BPHL: variants seen among roughly 807,000 people sequenced by gnomAD.
BPHL encodes serine hydrolase BPHL.
BPHL carries 27 observed loss-of-function variants against 31.2 expected under a neutral mutation model. That is an observed-to-expected ratio of 0.87 (90% confidence interval 0.64 to 1.19). The LOEUF is 1.19. Among genes scored for constraint, BPHL ranks in the 50% most tolerant of loss-of-function variants. BPHL has a pLI of 0.00. For synonymous variants in BPHL, 150 were observed against 146.8 expected (o/e 1.02, Z -0.16); for missense variants, 356 against 375.7 (o/e 0.95, Z 0.43).
At chr6:3,119,680 C>T (rs947687266) in intron 1 of BPHL, among the ~76,000 whole-genome samples, 1 of 152,198 alleles carries the variant, frequency 6.6e-6, no homozygotes, top group Non-Finnish European at 1.5e-5. Context: ...ACGTATACAA[C>T]GAACGTACAC....
rs1762549763 is a variant in BPHL, at chr6:3,152,471, T to C, written c.789-17T>C. The C allele has an allele frequency of 6.2e-7, 1 of 1,611,802 alleles. No homozygotes were observed. Among genetic ancestry groups the C allele is most frequent in the Admixed American group, 1.7e-5 (1 of 59,748 alleles). ...TGGTGGGCCATTGACCCAAAGTATT[T>C]TTAATTCCTTTTTTAGGCTGCATTT... is the stretch of plus-strand genomic sequence containing the variant. On this transcript the variant is annotated splice_polypyrimidine_tract_variant and intron_variant, in intron 6 of 6. Coordinates refer to ENST00000380379, the MANE Select transcript of BPHL (RefSeq NM_004332.4).
At chr6:3,122,745 A>G (rs530477439) in intron 1 of BPHL, among the ~76,000 whole-genome samples, 2 of 152,306 alleles carry the variant, frequency 1.3e-5, no homozygotes, top group South Asian at 4.1e-4. Flanking sequence ...CAGTTGACAC[A>G]GACATATTTT....
intron 4 of BPHL, among the ~76,000 whole-genome samples, chr6:3,131,266 T>A (rs1283224494): frequency 6.6e-6 from 1 of 152,086 alleles, no homozygotes; most frequent in Non-Finnish European, 1.5e-5. Context: ...TAGCCCCCTC[T>A]ACTGAAACTC....
rs541155293 is a variant in BPHL, at chr6:3,143,613, C to CTT, written c.788+3106_788+3107dup. On this transcript the variant is annotated intron_variant, in intron 6 of 6. Coordinates refer to ENST00000380379, the MANE Select transcript of BPHL (RefSeq NM_004332.4). ...GACGACAGCAGTGATGGGGAGCAGG[C>CTT]TTTGCCTTTCTGCCTCCCGTGTCCA... is the stretch of plus-strand genomic sequence containing the variant. Among the ~76,000 whole-genome samples, 415 of 152,328 alleles carry CTT rather than the reference C, an allele frequency of 2.7e-3. 2 individuals are homozygous for CTT. Among genetic ancestry groups the CTT allele is most frequent in the South Asian group, 5.6e-3 (27 of 4,826 alleles).
intron 5 of BPHL, chr6:3,139,459 G>A (rs1390039894): frequency 6.6e-6 from 1 of 152,216 alleles, no homozygotes; most frequent in Non-Finnish European, 1.5e-5. Context: ...GAGACCTGGA[G>A]AAGTATTTCC....
chr6:3,119,392 G>A (rs1430263117), intron 1 of BPHL: 1 of 1,603,078 alleles, frequency 6.2e-7, no homozygotes, highest in Non-Finnish European at 8.5e-7. Flanking sequence ...AAAGAATCAC[G>A]TTGGGAACTG....
intron 4 of BPHL, among the ~76,000 whole-genome samples, chr6:3,133,899 G>A (rs982304768): frequency 4.6e-5 from 7 of 152,136 alleles, no homozygotes; most frequent in South Asian, 4.1e-4. Context: ...ACAAGTGACA[G>A]ATTATTTTCC....
At chr6:3,127,455 G>C in intron 3 of BPHL, 47 bp downstream of exon 3, 1 of 1,423,602 alleles carries the variant, frequency 7.0e-7, no homozygotes, top group South Asian at 1.5e-5. Flanking sequence ...GGCTGGGCCT[G>C]TCTTCATTTA....
At position 3,152,747 on chromosome 6, in the gene BPHL, C is replaced by A; in HGVS notation, c.*172C>A. 2 of 576,418 alleles carry A rather than the reference C, an allele frequency of 3.5e-6. No individual in the cohort carries two copies. The highest frequency in any genetic ancestry group is 2.4e-5 in the South Asian group (1 of 41,928). 35.7% of individuals were successfully genotyped at this position (576,418 alleles called of 1,614,324 possible). The stretch of plus-strand genomic sequence containing the variant: ...ATTGAAAACAGCCTCTAGCTTCAGG[C>A]TGGGCACGGTGGCTCACAGCTATAA... On this transcript the variant is annotated 3_prime_UTR_variant, in exon 7 of 7. Transcript: ENST00000380379.
chr6:3,128,986 G>A, intron 3 of BPHL, 59 bp from the exon 4 acceptor site: 1 of 1,609,082 alleles, frequency 6.2e-7, no homozygotes, highest in African/African-American at 1.3e-5. Flanking sequence ...TAGTGATTCA[G>A]TTTCTTTTAA....
rs897197795 is a variant in BPHL, at chr6:3,149,728, G to A, written c.789-2760G>A. ...GCTCACTGCAACCTCCGCCTACTGG[G>A]TTCAAGTGATTCTGCCTCAGCCTCC... On this transcript the variant is annotated intron_variant, in intron 6 of 6. Transcript: ENST00000380379. This position sits in a 1 kb window ranked among gnomAD's most constrained non-coding sequence, Gnocchi z 4.6. 2.0e-5 allele frequency among the ~76,000 whole-genome samples: 3 copies of A among 152,180 alleles called. No homozygotes were observed. The highest frequency in any genetic ancestry group is 6.5e-5 in the Admixed American group (1 of 15,276).
chr6:3,145,610 T>TC lies in BPHL; in HGVS notation c.788+5101_788+5102insC, dbSNP rs1762320105. Among the ~76,000 whole-genome samples, 2 of 56,894 alleles carry TC rather than the reference T, an allele frequency of 3.5e-5. 1 individual carries two copies. Among genetic ancestry groups the TC allele is most frequent in the Non-Finnish European group, 8.0e-5 (2 of 25,150 alleles). The allele number at this position is 56,894 out of a possible 152,430, so 37.3% of individuals were successfully genotyped here. ...TGCTGGTTTGGGTCGGAGTGCTGGT[T>TC]TGGGTCGAGTGCTGGTTCGGGTTGG... is the stretch of plus-strand genomic sequence containing the variant. On this transcript the variant is annotated intron_variant, in intron 6 of 6. Coordinates refer to ENST00000380379, the MANE Select transcript of BPHL (RefSeq NM_004332.4).
intron 1 of BPHL, among the ~76,000 whole-genome samples, chr6:3,119,747 A>G (rs1328759261): frequency 6.6e-6 from 1 of 152,232 alleles, no homozygotes; most frequent in Non-Finnish European, 1.5e-5. Context: ...AGTACTAGAT[A>G]GGTACACAGC....
chr6:3,146,420 G>A (rs1242204262), intron 6 of BPHL, among the ~76,000 whole-genome samples: 1 of 139,344 alleles, frequency 7.2e-6, no homozygotes, highest in African/African-American at 2.8e-5. Flanking sequence ...TGGGTTGAGT[G>A]CTGGTTTGGG....
chr6:3,146,540 C>CTGGTACGGGGTG (rs1762374888), intron 6 of BPHL, among the ~76,000 whole-genome samples: 3 of 1,088 alleles, frequency 2.8e-3, no homozygotes, highest in African/African-American at 3.6e-3. Context: ...TGGTTTGGGT[C>CTGGTACGGGGTG]GAGTGCTGGT....
chr6:3,119,298 C>T lies in BPHL; in HGVS notation c.107+451C>T. ...CTCTTATGTCAGAAATCAGCCTGAGCCTGAGTACCGCTAAGGCTTTAATCA... is the reference window on the plus strand; with the variant it reads ...CTCTTATGTCAGAAATCAGCCTGAGTCTGAGTACCGCTAAGGCTTTAATCA... On this transcript the variant is annotated intron_variant, in intron 1 of 6. Transcript: ENST00000380379. 1.9e-6 allele frequency: 3 copies of T among 1,545,190 alleles called. No homozygotes were observed. The South Asian group carries it at 3.6e-5, about 18-fold the overall frequency.
At chr6:3,128,563 G>A (rs187992171) in intron 3 of BPHL, among the ~76,000 whole-genome samples, 3 of 152,118 alleles carry the variant, frequency 2.0e-5, no homozygotes, top group East Asian at 1.9e-4. Flanking sequence ...TCCCCATGAC[G>A]CTGTTCTCTG....
At chr6:3,142,630 A>G (rs921667388) in intron 6 of BPHL, among the ~76,000 whole-genome samples, 13 of 152,212 alleles carry the variant, frequency 8.5e-5, no homozygotes, top group South Asian at 2.1e-4. Context: ...TCAAGGTTGT[A>G]TAGCTAGTAA....
In BPHL at chr6:3,123,678, A is replaced by G. The variant is rs1761635326; in HGVS notation, c.129A>G (p.Lys43=). ...AAFGTSVTSA[K]VAVNGVQLHY... is the part of the protein sequence containing the mutation. ...CTAGCACCTCGGTAACCTCTGCCAA[A>G]GTGGCTGTGAATGGCGTTCAGCTGC... is the stretch of plus-strand genomic sequence containing the variant. The change falls in exon 2 of 7, where the codon AAA becomes AAG. Residue 43 remains lysine, a synonymous_variant. Transcript: ENST00000380379. The G allele has an allele frequency of 6.2e-7, 1 of 1,613,684 alleles. No individual in the cohort carries two copies. Among genetic ancestry groups the G allele is most frequent in the African/African-American group, 1.3e-5 (1 of 74,898 alleles).
Sources: gnomAD v4.1 joint callset for allele counts (sites outside exome capture counted in the v4.1 genomes callset) on GRCh38, gnomAD v4.1.1 for gene constraint, Gnocchi (gnomAD v3.1) non-coding constraint, MANE v1.5 for transcripts, NCBI Gene and HGNC (gene_info 2026-07-23, HGNC 2026-07-21) for gene names.